The following UBR4 variants were observed in gnomAD, a reference collection of about 807,000 sequenced individuals.
UBR4 encodes E3 ubiquitin-protein ligase UBR4.
In UBR4, 124 loss-of-function variants were observed where a neutral mutation model predicts 575.6. That is an observed-to-expected ratio of 0.22 (90% CI 0.19 to 0.25). The LOEUF (loss-of-function observed/expected upper bound fraction) is 0.25, where lower values mean the gene tolerates loss of function less well. UBR4 is among the 10% of genes least tolerant of loss of function. UBR4 has a pLI of 1.00. For missense variants in UBR4, 4,818 were observed against 6,478.8 expected, an observed-to-expected ratio of 0.74 and a Z score of 8.80; for synonymous variants, 2,455 against 2,473.7, an observed-to-expected ratio of 0.99 and a Z score of 0.22.
At chr1:19,084,815 C>G in intron 101 of UBR4, 117 bp from the exon 102 acceptor site, 1 of 989,886 alleles carries the variant, frequency 1.0e-6, no homozygotes, top group Non-Finnish European at 1.4e-6. Context: ...GGTTTGCAAA[C>G]GGAGACAAGA....
At chr1:19,149,772 T>C (rs1296711320) in intron 49 of UBR4, 1 of 1,301,164 alleles carries the variant, frequency 7.7e-7, no homozygotes, top group Non-Finnish European at 1.0e-6. Flanking sequence ...CCGGTCCAGC[T>C]TGGTTAGGGA....
rs368481629 is a variant in UBR4 at position 19,196,672 on chromosome 1, C to T, written c.1018+469G>A. On this transcript the variant is annotated intron_variant, in intron 8 of 105. Coordinates refer to ENST00000375254, the MANE Select transcript of UBR4 (RefSeq NM_020765.3). ...CAGTATAAACAGATACCACCTGTTC[C>T]ACGAAGCCTTCTTCAAACCTGATCC... 5.9e-5 allele frequency among the ~76,000 whole-genome samples: 9 copies of T among 152,290 alleles called. No homozygotes were observed. The South Asian group carries it at 1.5e-3, about 25-fold the overall frequency.
At chr1:19,138,212 C>A in intron 59 of UBR4, 31 bp from the exon 60 acceptor site, 2 of 1,474,644 alleles carry the variant, frequency 1.4e-6, no homozygotes, top group South Asian at 1.5e-5. Flanking sequence ...AAGCACAAAT[C>A]AACTCCCAAA....
At chr1:19,202,364 T>C (rs1178520389) in intron 1 of UBR4, among the ~76,000 whole-genome samples, 1 of 152,188 alleles carries the variant, frequency 6.6e-6, no homozygotes, top group Non-Finnish European at 1.5e-5. Context: ...TCTATATTAC[T>C]GACTGGCAAA....
At position 19,096,455 on chromosome 1, in the gene UBR4, C is replaced by T. The variant is rs1460099885; in HGVS notation, c.13518+68G>A. On this transcript the variant is annotated intron_variant, in intron 92 of 105. Coordinates refer to ENST00000375254, the MANE Select transcript of UBR4 (RefSeq NM_020765.3). ...GGGTAAAATGACACAGTGGCCATAG[C>T]TTCTTTCCACAGGGGCCTCTCCCAG... 56 of 1,568,746 alleles carry T rather than the reference C, an allele frequency of 3.6e-5. No homozygotes were observed. In the Admixed American group the frequency reaches 1.0e-3, roughly 29 times the overall value.
At chr1:19,148,368 C>T (rs1240813841) in intron 50 of UBR4, among the ~76,000 whole-genome samples, 195 bp downstream of exon 50, 1 of 152,178 alleles carries the variant, frequency 6.6e-6, no homozygotes, top group Non-Finnish European at 1.5e-5. Flanking sequence ...GCATCCTATT[C>T]TGTGACACAC....
chr1:19,105,135 G>A lies in UBR4; in HGVS notation c.12558C>T (p.Leu4186=), dbSNP rs748703783. The A allele has an allele frequency of 5.0e-6, 8 of 1,614,076 alleles. No homozygotes were observed. Among genetic ancestry groups the A allele is most frequent in the Non-Finnish European group, 6.8e-6 (8 of 1,180,000 alleles). ...AGECAAEYLA[L]YQKLITSAHW... is the part of the protein sequence containing the mutation. ...GCGCAGAAGTGATGAGCTTCTGGTA[G>A]AGAGCCAGGTACTCAGCTGCACACT... Residue 4186 remains leucine, a synonymous_variant, in exon 85 of 106, where the codon CTC becomes CTT. Transcript: ENST00000375254.
intron 91 of UBR4, 60 bp downstream of exon 91, chr1:19,097,133 G>A (rs2078144232): frequency 6.9e-7 from 1 of 1,455,596 alleles, no homozygotes; most frequent in Non-Finnish European, 9.3e-7. Context: ...CCTAAGTCCT[G>A]GGACGTGAGC....
At position 19,183,936 on chromosome 1, in the gene UBR4, T is replaced by C. The variant is rs752400929; in HGVS notation, c.2099-40A>G. 5.0e-6 allele frequency: 8 copies of C among 1,613,898 alleles called. No homozygotes were observed. The Admixed American group carries it at 5.0e-5, about 10-fold the overall frequency. ...GAAAAGCCAATTATTTAAGCAGCTA[T>C]TGAATGCACCACACCTCCCTGCCAA... On this transcript the variant is annotated intron_variant, in intron 16 of 105. Transcript: ENST00000375254.
chr1:19,096,656 G>A lies in UBR4; in HGVS notation c.13391-6C>T. 1 of 1,613,376 alleles carries A rather than the reference G, an allele frequency of 6.2e-7. No individual in the cohort carries two copies. Among genetic ancestry groups the A allele is most frequent in the Non-Finnish European group, 8.5e-7 (1 of 1,179,722 alleles). On this transcript the variant is annotated splice_region_variant and splice_polypyrimidine_tract_variant and intron_variant, in intron 91 of 105. Transcript: ENST00000375254. ...TTCTTCATCTTCTTCTTCATCTAGG[G>A]GAGAAGGGAAGCCAAGCAGAAATGG...
At chr1:19,176,796 A>T in intron 19 of UBR4, 69 bp from the exon 20 acceptor site, 1 of 1,549,788 alleles carries the variant, frequency 6.5e-7, no homozygotes, top group South Asian at 1.1e-5. Context: ...CTCAGGCATG[A>T]TAATAGCTCG....
In UBR4 at chr1:19,141,525, C is replaced by G. The variant is rs2149998816; in HGVS notation, c.8311-1G>C. 1 of 1,603,810 alleles carries G rather than the reference C, an allele frequency of 6.2e-7. No homozygotes were observed. The highest frequency in any genetic ancestry group is 1.7e-5 in the Admixed American group (1 of 59,214). ...CTGTCTCCAGGACCATCGACTCAGA[C>G]TGCAGAGAGAAAGCTCTGTCAGTGT... On this transcript the variant is annotated splice_acceptor_variant, in intron 56 of 105. Transcript: ENST00000375254. LOFTEE classifies it high-confidence loss of function.
chr1:19,103,927 G>A (rs2078918182), intron 87 of UBR4, among the ~76,000 whole-genome samples, 157 bp downstream of exon 87: 1 of 152,238 alleles, frequency 6.6e-6, no homozygotes, highest in Non-Finnish European at 1.5e-5. Flanking sequence ...AATTCCAAGA[G>A]CCAACACTTT....
intron 19 of UBR4, 130 bp downstream of exon 19, chr1:19,177,331 C>T: frequency 8.9e-7 from 1 of 1,120,824 alleles, no homozygotes; most frequent in Non-Finnish European, 1.3e-6. Flanking sequence ...TCCTCCTAAT[C>T]CTACCCATCA....
intron 39 of UBR4, among the ~76,000 whole-genome samples, chr1:19,159,308 C>T (rs767656706): frequency 1.3e-5 from 2 of 152,168 alleles, no homozygotes; most frequent in African/African-American, 2.4e-5. Context: ...TGCTGAGCAG[C>T]AGGTTTTAAA....
At chr1:19,195,269 T>TAATAAC (rs1012452527) in intron 8 of UBR4, among the ~76,000 whole-genome samples, 26 of 146,498 alleles carry the variant, frequency 1.8e-4, no homozygotes, top group Admixed American at 1.2e-3. Flanking sequence ...CATCTCAAAA[T>TAATAAC]AATAATAATA....
intron 5 of UBR4, 102 bp downstream of exon 5, chr1:19,198,439 T>C (rs1309639807): frequency 2.1e-6 from 3 of 1,443,410 alleles, no homozygotes; most frequent in African/African-American, 1.4e-5. Flanking sequence ...GACATGTATA[T>C]CATTTTATAT....
intron 17 of UBR4, among the ~76,000 whole-genome samples, chr1:19,182,379 T>C (rs1022646380): frequency 2.0e-5 from 3 of 152,204 alleles, no homozygotes; most frequent in East Asian, 1.9e-4. Context: ...TCTTGCTATG[T>C]TGCCCAGGCT....
chr1:19,164,104 A>T (rs1183925599), intron 33 of UBR4, 149 bp downstream of exon 33: 1 of 868,212 alleles, frequency 1.2e-6, no homozygotes, highest in Non-Finnish European at 1.8e-6. Context: ...TCTAAAGTGA[A>T]CAGAGCTATT....
Sources: gnomAD v4.1 joint callset for allele counts (sites outside exome capture counted in the v4.1 genomes callset) on GRCh38, gnomAD v4.1.1 for gene constraint, MANE v1.5 for transcripts, NCBI Gene and HGNC (gene_info 2026-07-23, HGNC 2026-07-21) for gene names.